KDM5B: variants seen among roughly 807,000 people sequenced by gnomAD.
KDM5B encodes the protein lysine demethylase 5B.
In KDM5B, 144 loss-of-function variants were observed where a neutral mutation model predicts 193.4. The ratio of observed to expected loss-of-function variants is 0.74; its 90% CI spans 0.65 to 0.86. The LOEUF (loss-of-function observed/expected upper bound fraction) is 0.86, where lower values mean the gene tolerates loss of function less well. KDM5B is among the 40% of genes least tolerant of loss of function. The probability of loss-of-function intolerance (pLI) is 0.00; values close to 1 mark genes in which losing one functional copy is unlikely to be tolerated. For missense variants in KDM5B, 1,833 were observed against 1,886.9 expected, an observed-to-expected ratio of 0.97 and a Z score of 0.53; for synonymous variants, 668 against 682.6, an observed-to-expected ratio of 0.98 and a Z score of 0.33.
chr1:202,745,728 C>G, intron 16 of KDM5B, 130 bp downstream of exon 16: 1 of 978,218 alleles, frequency 1.0e-6, no homozygotes. Flanking sequence ...CTCTGTAAAC[C>G]GGGCTATGTA....
chr1:202,739,219 T>C (rs888120570), intron 20 of KDM5B, among the ~76,000 whole-genome samples: 1 of 152,238 alleles, frequency 6.6e-6, no homozygotes, highest in African/African-American at 2.4e-5. Context: ...TGCTTCAATC[T>C]GCAGTCAAGT....
chr1:202,747,815 CAAT>C (rs986533711), intron 14 of KDM5B, among the ~76,000 whole-genome samples: 1 of 151,826 alleles, frequency 6.6e-6, no homozygotes, highest in Admixed American at 6.6e-5. Context: ...TTGGAAGACT[CAAT>C]ATTATTAAGA....
chr1:202,746,389 A>G (rs1655561899), intron 14 of KDM5B, 66 bp from the exon 15 acceptor site: 1 of 966,056 alleles, frequency 1.0e-6, no homozygotes, highest in South Asian at 2.4e-5. Flanking sequence ...CAAGACAAAC[A>G]TGCAGTAGTA....
At chr1:202,759,772 G>T (rs1016863035) in intron 8 of KDM5B, among the ~76,000 whole-genome samples, 6 of 151,984 alleles carry the variant, frequency 3.9e-5, no homozygotes, top group African/African-American at 7.3e-5. Flanking sequence ...CATTAACAGT[G>T]GTTATATATG....
chr1:202,766,867 A>C (rs920795861), intron 5 of KDM5B, 59 bp downstream of exon 5: 4 of 1,495,208 alleles, frequency 2.7e-6, no homozygotes, highest in Non-Finnish European at 3.6e-6. Context: ...CCAGTGCCAG[A>C]CAGCCATTGG....
At chr1:202,798,519 C>A (rs1290805300) in intron 1 of KDM5B, among the ~76,000 whole-genome samples, 1 of 151,604 alleles carries the variant, frequency 6.6e-6, no homozygotes, top group South Asian at 2.1e-4. Flanking sequence ...TTTAAAACAT[C>A]CCTTCATGGC....
chr1:202,783,533 G>C (rs1444646338), intron 1 of KDM5B, among the ~76,000 whole-genome samples: 1 of 151,998 alleles, frequency 6.6e-6, no homozygotes, highest in African/African-American at 2.4e-5. Context: ...AAAAAAACTT[G>C]AAAATAGTTT....
intron 2 of KDM5B, chr1:202,776,143 T>C: frequency 6.6e-6 from 1 of 152,222 alleles, no homozygotes; most frequent in Non-Finnish European, 1.5e-5. Context: ...GGCAGGAGAA[T>C]GACTTGAACC....
intron 22 of KDM5B, among the ~76,000 whole-genome samples, chr1:202,734,715 C>T (rs921725906): frequency 6.6e-6 from 1 of 152,128 alleles, no homozygotes; most frequent in African/African-American, 2.4e-5. Context: ...TACGAATATA[C>T]ACTAAGAACA....
At chr1:202,755,929 A>G (rs868738575) in intron 10 of KDM5B, among the ~76,000 whole-genome samples, 2 of 152,018 alleles carry the variant, frequency 1.3e-5, no homozygotes, top group South Asian at 2.1e-4. Flanking sequence ...CTGTATACAT[A>G]TAACTATGTA....
Position 202,766,966 on chromosome 1 carries a change from G to A in KDM5B, c.671C>T (p.Thr224Met), listed in dbSNP as rs199542969. 18 of 1,584,452 alleles carry A rather than the reference G, an allele frequency of 1.1e-5. No homozygotes were observed. The highest frequency in any genetic ancestry group is 4.7e-5 in the South Asian group (4 of 85,236). The change falls in exon 5 of 27, where the codon ACG (threonine) becomes ATG (methionine). Residue 224 changes from threonine (T) to methionine (M), a missense_variant. Coordinates refer to ENST00000367265, the MANE Select transcript of KDM5B (RefSeq NM_006618.5). ...TTTTGCTCGTCGGGCTGGGGGGCAC[G>A]TTTCCGAAGGCTGCACAGACTGCCT... ...PQRQSVQPSE[T>M]CPPARRAKRM...
At chr1:202,752,158 G>A (rs1035606712) in intron 12 of KDM5B, among the ~76,000 whole-genome samples, 2 of 152,136 alleles carry the variant, frequency 1.3e-5, no homozygotes, top group African/African-American at 2.4e-5. Context: ...CTTCCCAAAT[G>A]TCTTCAGAGT....
At chr1:202,807,453 G>GC (rs1658346406) in intron 1 of KDM5B, among the ~76,000 whole-genome samples, 1 of 142,478 alleles carries the variant, frequency 7.0e-6, no homozygotes, top group Non-Finnish European at 1.5e-5. Context: ...AGCGCTGGCC[G>GC]CCCCCTTCTT....
intron 1 of KDM5B, among the ~76,000 whole-genome samples, chr1:202,788,371 A>T (rs558835044): frequency 6.6e-6 from 1 of 152,246 alleles, no homozygotes; most frequent in Non-Finnish European, 1.5e-5. Flanking sequence ...AACTTGTTTC[A>T]AAGATTATTT....
Position 202,808,361 on chromosome 1 carries a change from G to T in KDM5B, c.-56C>A. ...GTGGGCTCCGGGACCGAGGCTGCGAGCTCCGCTCGGTCCGAGACCCGTGCA... is the reference window on the plus strand; with the variant it reads ...GTGGGCTCCGGGACCGAGGCTGCGATCTCCGCTCGGTCCGAGACCCGTGCA... On this transcript the variant is annotated 5_prime_UTR_variant, in exon 1 of 27. Transcript: ENST00000367265. 1 of 1,464,102 alleles carries T rather than the reference G, an allele frequency of 6.8e-7. No individual in the cohort carries two copies. The highest frequency in any genetic ancestry group is 9.1e-7 in the Non-Finnish European group (1 of 1,102,692). The allele number at this position is 1,464,102 out of a possible 1,614,324, so 90.7% of individuals were successfully genotyped here.
intron 16 of KDM5B, 86 bp downstream of exon 16, chr1:202,745,772 C>T: frequency 6.7e-7 from 1 of 1,488,228 alleles, no homozygotes; most frequent in Non-Finnish European, 9.3e-7. Flanking sequence ...CAGGCTGTTT[C>T]AAGAAATGTT....
Position 202,749,129 on chromosome 1 carries a change from C to T in KDM5B, c.1832G>A (p.Gly611Asp). The T allele has an allele frequency of 6.2e-7, 1 of 1,600,902 alleles. No individual in the cohort carries two copies. The highest frequency in any genetic ancestry group is 8.5e-7 in the Non-Finnish European group (1 of 1,176,316). ...GCGATAATGCTCCACACACTGTCGGCCTAATGGCAGCTGTATCAAAACACG... is the reference window on the plus strand; with the variant it reads ...GCGATAATGCTCCACACACTGTCGGTCTAATGGCAGCTGTATCAAAACACG... ...NFCTVDWLPLGRQCVEHYRLL... is the reference protein window; with the variant it reads ...NFCTVDWLPLDRQCVEHYRLL... The change falls in exon 14 of 27, where the codon GGC becomes GAC. Residue 611 changes from glycine to aspartate, a missense_variant. Physicochemically the swap from Gly to Asp is moderately conservative, Grantham distance 94. Transcript: ENST00000367265.
chr1:202,785,585 C>T (rs1657376232), intron 1 of KDM5B, among the ~76,000 whole-genome samples: 2 of 76,166 alleles, frequency 2.6e-5, no homozygotes, highest in South Asian at 8.9e-4. Context: ...AACCCTCAGA[C>T]AACATTTACT....
intron 24 of KDM5B, 70 bp from the exon 25 acceptor site, chr1:202,731,133 A>G: frequency 1.5e-6 from 2 of 1,315,526 alleles, no homozygotes; most frequent in East Asian, 2.4e-5. Context: ...TGGGTTTATG[A>G]GACAAATAGA....
Sources: gnomAD v4.1 joint callset for allele counts (sites outside exome capture counted in the v4.1 genomes callset) on GRCh38, gnomAD v4.1.1 for gene constraint, MANE v1.5 for transcripts, NCBI Gene and HGNC (gene_info 2026-07-23, HGNC 2026-07-21) for gene names.